The following PAX7 variants were observed in gnomAD, a reference collection of about 807,000 sequenced individuals.
PAX7 encodes paired box 7, also known as paired box protein Pax-7.
Under a neutral mutation model 50.7 loss-of-function variants are expected in PAX7, and 18 were observed. The observed-to-expected ratio is 0.36, with a 90% confidence interval of 0.25 to 0.53. PAX7 has a LOEUF of 0.53. Ranked by LOEUF, PAX7 falls within the 20% of genes least tolerant of loss-of-function variation. The probability of loss-of-function intolerance (pLI) is 0.93; values close to 1 mark genes in which losing one functional copy is unlikely to be tolerated. For synonymous variants in PAX7, 310 were observed against 290.4 expected, an observed-to-expected ratio of 1.07 and a Z score of -0.69; for missense variants, 644 against 702.9, an observed-to-expected ratio of 0.92 and a Z score of 0.95.
At chr1:18,710,283 TTGAC>T (rs2089334136) in intron 7 of PAX7, among the ~76,000 whole-genome samples, 1 of 152,200 alleles carries the variant, frequency 6.6e-6, no homozygotes, top group Admixed American at 6.5e-5. Context: ...TCACCACCAC[TTGAC>T]TCTCAGCAAG....
intron 4 of PAX7, among the ~76,000 whole-genome samples, chr1:18,648,693 G>A (rs1307244415): frequency 6.6e-6 from 1 of 152,138 alleles, no homozygotes; most frequent in African/African-American, 2.4e-5. Flanking sequence ...TGCTGGGGAG[G>A]ATAACCCCCA....
chr1:18,656,212 G>T (rs1033210901), intron 4 of PAX7, among the ~76,000 whole-genome samples: 1 of 152,222 alleles, frequency 6.6e-6, no homozygotes, highest in Non-Finnish European at 1.5e-5. Context: ...TAAGAGGCAA[G>T]TCCGGGCGCA....
chr1:18,711,256 G>A (rs968858072), intron 7 of PAX7, among the ~76,000 whole-genome samples: 2 of 152,126 alleles, frequency 1.3e-5, no homozygotes, highest in African/African-American at 2.4e-5. Flanking sequence ...TTTCCTCATC[G>A]GAAAACAGGG....
At chr1:18,744,604 G>A (rs1382410562) in intron 8 of PAX7, among the ~76,000 whole-genome samples, 5 of 149,478 alleles carry the variant, frequency 3.3e-5, no homozygotes. Flanking sequence ...GAAGATGAGT[G>A]GATAGAAGGA....
At position 18,663,266 on chromosome 1, in the gene PAX7, A is replaced by C. The variant is rs192611033; in HGVS notation, c.586+26895A>C. Among the ~76,000 whole-genome samples, 3 of 152,326 alleles carry C rather than the reference A, an allele frequency of 2.0e-5. No homozygotes were observed. In the East Asian group the frequency reaches 5.8e-4, roughly 29 times the overall value. On this transcript the variant is annotated intron_variant, in intron 4 of 8. Transcript: ENST00000420770. Reference sequence around the variant, plus strand: ...CATCACTTCCACCTGTTAACTGAGGAGCCATTGCTGTCCCCATTGTACAGA... The same window carrying C: ...CATCACTTCCACCTGTTAACTGAGGCGCCATTGCTGTCCCCATTGTACAGA...
chr1:18,740,655 A>G (rs574731095), intron 8 of PAX7, among the ~76,000 whole-genome samples: 2 of 152,332 alleles, frequency 1.3e-5, no homozygotes, highest in Non-Finnish European at 2.9e-5. Context: ...CATATTTATC[A>G]AAAGGATAGG....
chr1:18,701,717 C>A (rs1044207402), intron 6 of PAX7, among the ~76,000 whole-genome samples: 2 of 152,160 alleles, frequency 1.3e-5, no homozygotes, highest in Admixed American at 1.3e-4. Context: ...CAGCCCTAGG[C>A]CAGGCTGGGC....
chr1:18,702,959 G>A, intron 6 of PAX7, 135 bp from the exon 7 acceptor site: 2 of 778,002 alleles, frequency 2.6e-6, no homozygotes, highest in Non-Finnish European at 4.2e-6. Flanking sequence ...ATCCCAGGTA[G>A]CATGAGAGGG....
chr1:18,661,069 G>A (rs949299291), intron 4 of PAX7, among the ~76,000 whole-genome samples: 4 of 152,162 alleles, frequency 2.6e-5, no homozygotes, highest in African/African-American at 4.8e-5. Context: ...CCAAAGCATG[G>A]AGGATTAGAC....
chr1:18,724,076 G>T (rs2089525948), intron 7 of PAX7, among the ~76,000 whole-genome samples: 1 of 152,218 alleles, frequency 6.6e-6, no homozygotes, highest in Non-Finnish European at 1.5e-5. Context: ...TCAGGCCGCT[G>T]CGTGCTCGGT....
intron 8 of PAX7, among the ~76,000 whole-genome samples, chr1:18,742,047 T>G (rs1015985856): frequency 2.0e-5 from 3 of 151,820 alleles, no homozygotes; most frequent in African/African-American, 7.3e-5. Context: ...AAATGGAAAA[T>G]GAGCACAAAA....
In PAX7 at chr1:18,632,430, C is replaced by T. The variant is rs1383646629; in HGVS notation, c.85+742C>T. On this transcript the variant is annotated intron_variant, in intron 1 of 8. Transcript: ENST00000420770. This position sits in a 1 kb window ranked among gnomAD's most constrained non-coding sequence, Gnocchi z 6.3. ...GCGTCCTTCCTAAACATCCAGCGCC[C>T]GCCCGGGGAGACCCGATAGGACGGG... Among the ~76,000 whole-genome samples the T allele has an allele frequency of 6.6e-6, 1 of 152,154 alleles. No individual in the cohort carries two copies. Among genetic ancestry groups the T allele is most frequent in the African/African-American group, 2.4e-5 (1 of 41,442 alleles).
At chr1:18,659,271 G>T (rs1416172827) in intron 4 of PAX7, among the ~76,000 whole-genome samples, 2 of 152,226 alleles carry the variant, frequency 1.3e-5, no homozygotes, top group East Asian at 1.9e-4. Flanking sequence ...AATACCATAT[G>T]CAGAACAGGT....
chr1:18,736,175 A>T, intron 8 of PAX7: 1 of 607,094 alleles, frequency 1.6e-6, no homozygotes. Context: ...AAAACATAAG[A>T]AGAAACAGGC....
At chr1:18,631,978 G>A (rs1446551199) in intron 1 of PAX7, among the ~76,000 whole-genome samples, 1 of 152,186 alleles carries the variant, frequency 6.6e-6, no homozygotes, top group African/African-American at 2.4e-5. Flanking sequence ...TAAATATCAG[G>A]TCCTGGTGAA....
chr1:18,734,183 C>T (rs1436605400), intron 7 of PAX7, among the ~76,000 whole-genome samples: 1 of 152,178 alleles, frequency 6.6e-6, no homozygotes, highest in Non-Finnish European at 1.5e-5. Context: ...TGCCCGCAGC[C>T]TGCTTTCTTA....
At chr1:18,692,498 C>T (rs190199773) in intron 5 of PAX7, among the ~76,000 whole-genome samples, 370 of 150,654 alleles carry the variant, frequency 2.5e-3, no homozygotes, top group African/African-American at 8.5e-3. Flanking sequence ...GCCAAGATTG[C>T]GCCACTGTAC....
At chr1:18,715,516 G>A (rs1019986288) in intron 7 of PAX7, among the ~76,000 whole-genome samples, 1 of 152,164 alleles carries the variant, frequency 6.6e-6, no homozygotes, top group Non-Finnish European at 1.5e-5. Context: ...TACAGATATA[G>A]GGACAGAGGC....
rs1931431547 is a variant in PAX7 at position 18,746,184 on chromosome 1, T to C, written c.*1255T>C. 4.3e-6 allele frequency: 1 copy of C among 231,492 alleles called. No homozygotes were observed. The highest frequency in any genetic ancestry group is 2.2e-5 in the African/African-American group (1 of 45,116). The allele number at this position is 231,492 out of a possible 1,614,324, so 14.3% of individuals were successfully genotyped here. The stretch of plus-strand genomic sequence containing the variant: ...CCCCTGGCATGTTGTTAGGGGCAAA[T>C]TGCTGTCCTGCTCAGAGTGGCATCT... On this transcript the variant is annotated 3_prime_UTR_variant, in exon 9 of 9. Coordinates refer to ENST00000420770, the MANE Select transcript of PAX7 (RefSeq NM_001135254.2).
Sources: gnomAD v4.1 joint callset for allele counts (sites outside exome capture counted in the v4.1 genomes callset) on GRCh38, gnomAD v4.1.1 for gene constraint, Gnocchi (gnomAD v3.1) non-coding constraint, MANE v1.5 for transcripts, NCBI Gene and HGNC (gene_info 2026-07-23, HGNC 2026-07-21) for gene names.